PALM2AKAP2: variants seen among roughly 807,000 people sequenced by gnomAD.
The protein encoded by PALM2AKAP2 is PALM2 and AKAP2 fusion, also known as PALM2-AKAP2 fusion protein.
A neutral mutation model predicts 71.5 loss-of-function variants in PALM2AKAP2; 37 were observed. The ratio of observed to expected loss-of-function variants is 0.52; its 90% CI spans 0.40 to 0.68. The LOEUF (loss-of-function observed/expected upper bound fraction) is 0.68. Among genes scored for constraint, PALM2AKAP2 ranks in the 30% least tolerant of loss-of-function variants. The pLI, the probability that PALM2AKAP2 is intolerant of heterozygous loss-of-function variation, is 0.00. For missense variants in PALM2AKAP2, 1,224 were observed against 1,191.8 expected, an observed-to-expected ratio of 1.03 and a Z score of -0.40; for synonymous variants, 468 against 478.8, an observed-to-expected ratio of 0.98 and a Z score of 0.29.
upstream of PALM2AKAP2, among the ~76,000 whole-genome samples, chr9:110,046,725 C>T (rs184412650): frequency 1.5e-3 from 227 of 152,284 alleles, no homozygotes; most frequent in African/African-American, 5.3e-3. Context: ...ACCTCGGCCT[C>T]CCAAAGTGCT....
At chr9:110,061,267 G>A (rs1202628123) in intron 1 of PALM2AKAP2, among the ~76,000 whole-genome samples, 3 of 151,888 alleles carry the variant, frequency 2.0e-5, no homozygotes, top group African/African-American at 7.3e-5. Flanking sequence ...GCTTTATGAA[G>A]AATGCATCCA....
intron 1 of PALM2AKAP2, among the ~76,000 whole-genome samples, chr9:109,842,571 A>G (rs1828726736): frequency 6.6e-6 from 1 of 152,232 alleles, no homozygotes; most frequent in African/African-American, 2.4e-5. Flanking sequence ...AAAATCTATA[A>G]TGAACAATAT....
At chr9:110,048,105 G>A (rs2132488296), upstream of PALM2AKAP2, among the ~76,000 whole-genome samples, 1 of 152,274 alleles carries the variant, frequency 6.6e-6, no homozygotes. Flanking sequence ...ACCCCATCGG[G>A]GGAGTCCTCA....
intron 3 of PALM2AKAP2, among the ~76,000 whole-genome samples, chr9:110,167,154 C>G (rs749107000): frequency 6.6e-6 from 1 of 152,080 alleles, no homozygotes; most frequent in African/African-American, 2.4e-5. Context: ...GAATTACCTC[C>G]TATGAGTCCC....
chr9:110,035,752 T>C (rs1282347334), intron 7 of PALM2AKAP2, among the ~76,000 whole-genome samples: 1 of 134,698 alleles, frequency 7.4e-6, no homozygotes, highest in Non-Finnish European at 1.6e-5. Context: ...ATATAACATA[T>C]ATAGGATATG....
chr9:109,702,570 C>G (rs921661262), intron 1 of PALM2AKAP2, among the ~76,000 whole-genome samples: 4 of 133,354 alleles, frequency 3.0e-5, no homozygotes, highest in African/African-American at 1.1e-4. Flanking sequence ...GGAAGGGGAA[C>G]ATCACACACC....
chr9:110,006,324 C>CCCTTTCTT (rs1554736917), intron 6 of PALM2AKAP2, among the ~76,000 whole-genome samples: 5 of 102,102 alleles, frequency 4.9e-5, no homozygotes, highest in East Asian at 5.5e-4. Context: ...TTCCTTCCTT[C>CCCTTTCTT]TCTTTCTTTC....
chr9:109,825,974 A>G (rs1564166370), intron 1 of PALM2AKAP2, among the ~76,000 whole-genome samples: 2 of 152,232 alleles, frequency 1.3e-5, no homozygotes, highest in Admixed American at 6.5e-5. Context: ...CAAATGTCCA[A>G]CAATGATAGA....
chr9:109,800,464 T>C (rs956596136), intron 1 of PALM2AKAP2, among the ~76,000 whole-genome samples: 13 of 152,212 alleles, frequency 8.5e-5, no homozygotes, highest in African/African-American at 3.1e-4. Flanking sequence ...AACTCAGATC[T>C]GTCTGGCTCC....
chr9:109,640,919 T>C, intron 1 of PALM2AKAP2: 1 of 1,485,654 alleles, frequency 6.7e-7, no homozygotes, highest in South Asian at 1.3e-5. Flanking sequence ...CATGTTGCCA[T>C]GGTGACCGCG....
chr9:109,670,616 T>C lies in PALM2AKAP2; in HGVS notation c.5+29750T>C, dbSNP rs572426847. Among the ~76,000 whole-genome samples, 7 of 152,296 alleles carry C rather than the reference T, an allele frequency of 4.6e-5. No homozygotes were observed. The South Asian group carries it at 1.4e-3, about 32-fold the overall frequency. ...TGTTTTTATAATAGAATGATTTCTA[T>C]TCCTTTGGGCATATATTCAGTAATG... is the stretch of plus-strand genomic sequence containing the variant. On this transcript the variant is annotated intron_variant, in intron 1 of 6. Coordinates refer to the PALM2AKAP2 transcript ENST00000374531.
exon 2 of PALM2AKAP2, chr9:110,137,633 T>C (rs759899499): frequency 6.2e-7 from 1 of 1,614,098 alleles, no homozygotes; most frequent in Non-Finnish European, 8.5e-7. Flanking sequence ...CAATGTCTCC[T>C]TGACCCAAGA....
intron 1 of PALM2AKAP2, among the ~76,000 whole-genome samples, chr9:110,111,172 G>A (rs1835243182): frequency 7.6e-6 from 1 of 131,150 alleles, no homozygotes; most frequent in Non-Finnish European, 1.5e-5. Context: ...GCTCACTGCA[G>A]TCTCAATGGC....
intron 1 of PALM2AKAP2, among the ~76,000 whole-genome samples, chr9:109,750,571 CGTGTGTGTGTGT>C (rs111708702): frequency 5.8e-4 from 85 of 147,314 alleles, no homozygotes; most frequent in African/African-American, 2.1e-3. Flanking sequence ...TGCCCTAGGA[CGTGTGTGTGTGT>C]GTGTGTGTGT....
chr9:109,697,227 G>C (rs1416318702), intron 1 of PALM2AKAP2, among the ~76,000 whole-genome samples: 1 of 151,910 alleles, frequency 6.6e-6, no homozygotes, highest in African/African-American at 2.4e-5. Context: ...TGACATGGAA[G>C]TCTCAAAATA....
At chr9:110,050,398 A>T (rs1833686238) in intron 1 of PALM2AKAP2, among the ~76,000 whole-genome samples, 1 of 152,190 alleles carries the variant, frequency 6.6e-6, no homozygotes, top group African/African-American at 2.4e-5. Flanking sequence ...TTCTTAATTT[A>T]AATTTAACTA....
chr9:109,791,449 A>G (rs532543017), intron 1 of PALM2AKAP2, among the ~76,000 whole-genome samples: 1 of 152,114 alleles, frequency 6.6e-6, no homozygotes, highest in Non-Finnish European at 1.5e-5. Flanking sequence ...GCAGCCTGGC[A>G]TGGCAGTGGA....
chr9:110,154,511 T>C (rs1174704438), intron 2 of PALM2AKAP2, among the ~76,000 whole-genome samples: 2 of 152,212 alleles, frequency 1.3e-5, no homozygotes, highest in Non-Finnish European at 2.9e-5. Context: ...AAGAGCCAAT[T>C]ATGCTAAAAT....
At chr9:110,169,558 A>G (rs1436821343) in exon 4 of PALM2AKAP2, 3 of 152,328 alleles carry the variant, frequency 2.0e-5, no homozygotes, top group African/African-American at 7.2e-5. Context: ...GAAAGGAAAC[A>G]CGAAAGAAAA....
Sources: gnomAD v4.1 joint callset for allele counts (sites outside exome capture counted in the v4.1 genomes callset) on GRCh38, gnomAD v4.1.1 for gene constraint, MANE v1.5 for transcripts, NCBI Gene and HGNC (gene_info 2026-07-23, HGNC 2026-07-21) for gene names.